The following NOTCH2NLC variants were observed in gnomAD, a reference collection of about 807,000 sequenced individuals.
NOTCH2NLC encodes notch 2 N-terminal like C.
NOTCH2NLC carries 4 observed loss-of-function variants against 17.7 expected under a neutral mutation model. The ratio of observed to expected loss-of-function variants is 0.23; its 90% CI spans 0.11 to 0.52. The LOEUF is 0.52. Ranked by LOEUF, NOTCH2NLC falls within the 20% of genes least tolerant of loss-of-function variation. The probability of loss-of-function intolerance (pLI) is 0.96; values close to 1 mark genes in which losing one functional copy is unlikely to be tolerated. For missense variants in NOTCH2NLC, 57 were observed against 207.2 expected (o/e 0.28, Z 4.45); for synonymous variants, 18 against 86.0 (o/e 0.21, Z 4.38).
rs2084383536 is a variant in NOTCH2NLC, at chr1:149,422,354, TAGGTCCC to T, written c.136-8583_136-8577del. Among the ~76,000 whole-genome samples, 4 of 148,964 alleles carry T rather than the reference TAGGTCCC, an allele frequency of 2.7e-5. No homozygotes were observed. In the South Asian group the frequency reaches 8.6e-4, roughly 32 times the overall value. The stretch of plus-strand genomic sequence containing the variant: ...ACCTGCTGTGGTCCAGGCATCTTCT[TAGGTCCC>T]AGGTGTACAAAGAGGAGCCAATTGT... On this transcript the variant is annotated intron_variant, in intron 1 of 4. Coordinates refer to ENST00000650865, the MANE Select transcript of NOTCH2NLC (RefSeq NM_001364013.2).
rs2084644695 is a variant in NOTCH2NLC, at chr1:149,460,899, CTTTCTTTCTTTCTT to C, written c.470-2590_470-2577del. Among the ~76,000 whole-genome samples, 28 of 124,608 alleles carry C rather than the reference CTTTCTTTCTTTCTT, an allele frequency of 2.2e-4. No individual in the cohort carries two copies. The South Asian group carries it at 3.1e-3, about 14-fold the overall frequency. The allele number at this position is 124,608 out of a possible 152,430, so 81.7% of individuals were successfully genotyped here. Reference sequence around the variant, plus strand: ...TCTTTCTTTCTTTCTTTCTTTCTTTCTTTCTTTCTTTCTTTCTCTCTCTTTCTCTCTTTCTCTCT... The same window carrying C: ...TCTTTCTTTCTTTCTTTCTTTCTTTCTCTCTCTCTTTCTCTCTTTCTCTCT... On this transcript the variant is annotated intron_variant, in intron 3 of 4. Coordinates refer to ENST00000650865, the MANE Select transcript of NOTCH2NLC (RefSeq NM_001364013.2).
At chr1:149,394,324 G>C (rs2084193374) in intron 1 of NOTCH2NLC, among the ~76,000 whole-genome samples, 1 of 149,986 alleles carries the variant, frequency 6.7e-6, no homozygotes, top group Non-Finnish European at 1.5e-5. Flanking sequence ...GTGTGTATGA[G>C]GTCTTTCTAA....
chr1:149,421,222 A>G (rs1366927377), intron 1 of NOTCH2NLC, among the ~76,000 whole-genome samples: 5 of 129,940 alleles, frequency 3.8e-5, no homozygotes, highest in African/African-American at 1.2e-4. Context: ...TAACAAAATA[A>G]TCTTTAGAAA....
intron 1 of NOTCH2NLC, among the ~76,000 whole-genome samples, chr1:149,419,865 T>A (rs1329115283): frequency 8.2e-5 from 10 of 122,150 alleles, no homozygotes; most frequent in South Asian, 3.0e-4. Flanking sequence ...ATTTTTTTTT[T>A]TTTTTTTTTT....
rs1272216900 is a variant in NOTCH2NLC, at chr1:149,400,830, G to A, written c.135+9908G>A. 2.9e-3 allele frequency among the ~76,000 whole-genome samples: 425 copies of A among 149,010 alleles called. 5 individuals carry two copies. The highest frequency in any genetic ancestry group is 0.01 in the African/African-American group (411 of 40,520). On this transcript the variant is annotated intron_variant, in intron 1 of 4. Coordinates refer to ENST00000650865, the MANE Select transcript of NOTCH2NLC (RefSeq NM_001364013.2). ...AGCATTTAACATCCCTGAAAGGCAG[G>A]ACTAATGCTATGTCTACCATGCACT...
chr1:149,408,191 C>CT (rs2084280518), intron 1 of NOTCH2NLC, among the ~76,000 whole-genome samples: 1 of 97,996 alleles, frequency 1.0e-5, no homozygotes, highest in Non-Finnish European at 2.1e-5. Context: ...CCCTCGTTTA[C>CT]AGGCGTTTTT....
rs1172223779 is a variant in NOTCH2NLC at position 149,462,074 on chromosome 1, A to G, written c.470-1417A>G. Among the ~76,000 whole-genome samples, 2 of 141,698 alleles carry G rather than the reference A, an allele frequency of 1.4e-5. 1 individual carries two copies. Among genetic ancestry groups the G allele is most frequent in the Non-Finnish European group, 3.1e-5 (2 of 64,222 alleles). 93.0% of individuals were successfully genotyped at this position (141,698 alleles called of 152,430 possible). A position where few individuals can be genotyped will look rare whatever the true frequency, so the allele number is the denominator to read the frequency against. ...TGCAGCACACCAACATGGCACATAT[A>G]TACATATGTAACAAACCTGCATGTT... On this transcript the variant is annotated intron_variant, in intron 3 of 4. Transcript: ENST00000650865.
chr1:149,463,193 GATCC>G (rs2084661502), intron 3 of NOTCH2NLC, among the ~76,000 whole-genome samples: 1 of 150,366 alleles, frequency 6.7e-6, no homozygotes, highest in Non-Finnish European at 1.5e-5. Context: ...AGAGTAGATG[GATCC>G]AGACTCCTAT....
intron 1 of NOTCH2NLC, among the ~76,000 whole-genome samples, chr1:149,413,626 A>G (rs2084311856): frequency 6.6e-6 from 1 of 150,834 alleles, no homozygotes; most frequent in East Asian, 2.0e-4. Context: ...GTGTGAGTTA[A>G]CACTTCTCTG....
At chr1:149,433,469 C>G (rs2084464891) in intron 2 of NOTCH2NLC, among the ~76,000 whole-genome samples, 1 of 150,806 alleles carries the variant, frequency 6.6e-6, no homozygotes, top group East Asian at 2.0e-4. Context: ...TTATTTACTT[C>G]ACATAGCATT....
rs1284837961 is a variant in NOTCH2NLC, at chr1:149,419,421, C to G, written c.136-11521C>G. On this transcript the variant is annotated intron_variant, in intron 1 of 4. Coordinates refer to ENST00000650865, the MANE Select transcript of NOTCH2NLC (RefSeq NM_001364013.2). The stretch of plus-strand genomic sequence containing the variant: ...TTCCAATATGGTCACTTAATATATA[C>G]AAAATTTTCTGTCTTTGCTGTCTTT... 1.3e-5 allele frequency among the ~76,000 whole-genome samples: 2 copies of G among 150,528 alleles called. 1 individual carries two copies. The highest frequency in any genetic ancestry group is 3.0e-5 in the Non-Finnish European group (2 of 67,490).
At chr1:149,399,109 G>C (rs1247432507) in intron 1 of NOTCH2NLC, among the ~76,000 whole-genome samples, 4 of 151,002 alleles carry the variant, frequency 2.6e-5, no homozygotes, top group African/African-American at 9.7e-5. Context: ...TTAAAATACA[G>C]TTGTGCTTGA....
chr1:149,451,435 C>G (rs1321027463), intron 2 of NOTCH2NLC, among the ~76,000 whole-genome samples: 2 of 147,734 alleles, frequency 1.4e-5, no homozygotes, highest in Non-Finnish European at 3.0e-5. Flanking sequence ...GAAATGGGAC[C>G]TCATGAAAGT....
At chr1:149,427,253 C>T (rs1176549623) in intron 1 of NOTCH2NLC, among the ~76,000 whole-genome samples, 3 of 148,654 alleles carry the variant, frequency 2.0e-5, no homozygotes, top group Non-Finnish European at 4.5e-5. Flanking sequence ...TCTTGTGTAA[C>T]TGTAGCTTTT....
chr1:149,471,755 A>T lies in NOTCH2NLC; in HGVS notation c.*7602A>T, dbSNP rs1285218610. Among the ~76,000 whole-genome samples the T allele has an allele frequency of 1.3e-5, 2 of 148,976 alleles. No homozygotes were observed. The highest frequency in any genetic ancestry group is 5.0e-5 in the African/African-American group (2 of 40,374). ...GTAAAAGACACTGAAATATATGCTT[A>T]AAAATGGTGATTTTTGTGATATATG... On this transcript the variant is annotated 3_prime_UTR_variant, in exon 5 of 5. Transcript: ENST00000650865.
At chr1:149,401,964 C>T (rs1329189572) in intron 1 of NOTCH2NLC, among the ~76,000 whole-genome samples, 1 of 133,308 alleles carries the variant, frequency 7.5e-6, no homozygotes, top group Non-Finnish European at 1.6e-5. Context: ...CAATGATCTC[C>T]TTTAATCCTC....
intron 1 of NOTCH2NLC, among the ~76,000 whole-genome samples, chr1:149,410,212 C>T (rs1291256062): frequency 7.0e-6 from 1 of 143,076 alleles, no homozygotes; most frequent in African/African-American, 2.6e-5. Flanking sequence ...CTTCTATCTG[C>T]TCTTTGGTAT....
At chr1:149,463,150 A>G (rs2084661013) in intron 3 of NOTCH2NLC, among the ~76,000 whole-genome samples, 2 of 150,842 alleles carry the variant, frequency 1.3e-5, no homozygotes, top group Non-Finnish European at 3.0e-5. Context: ...TTGATATTCA[A>G]ACAGGAGCAG....
chr1:149,439,963 T>C (rs2084506231), intron 2 of NOTCH2NLC, among the ~76,000 whole-genome samples: 1 of 148,960 alleles, frequency 6.7e-6, no homozygotes, highest in Admixed American at 6.7e-5. Context: ...AAAGTGAAAA[T>C]AAAGACTAAG....
Sources: allele counts gnomAD v4.1 joint callset (sites outside exome capture counted in the v4.1 genomes callset), GRCh38; gene constraint gnomAD v4.1.1; transcripts MANE v1.5; gene names NCBI Gene and HGNC (gene_info 2026-07-23, HGNC 2026-07-21).